PPP6R2: variants seen among roughly 807,000 people sequenced by gnomAD.
The protein encoded by PPP6R2 is protein phosphatase 6 regulatory subunit 2.
Under a neutral mutation model 100.2 loss-of-function variants are expected in PPP6R2, and 62 were observed. That is an observed-to-expected ratio of 0.62 (90% CI 0.50 to 0.76). PPP6R2 has a LOEUF of 0.76. PPP6R2 is among the 30% of genes least tolerant of loss of function. The pLI is 0.00. For missense variants in PPP6R2, 1,142 were observed against 1,276.3 expected, an observed-to-expected ratio of 0.89 and a Z score of 1.60; for synonymous variants, 525 against 514.7, an observed-to-expected ratio of 1.02 and a Z score of -0.27.
At chr22:50,402,144 G>C (rs9616822) in intron 3 of PPP6R2, among the ~76,000 whole-genome samples, 1 of 151,306 alleles carries the variant, frequency 6.6e-6, no homozygotes, top group Non-Finnish European at 1.5e-5. Context: ...TGGGGCCCTA[G>C]ATCCTGCACA....
At chr22:50,349,077 C>T (rs1429374658) in intron 1 of PPP6R2, among the ~76,000 whole-genome samples, 2 of 151,812 alleles carry the variant, frequency 1.3e-5, no homozygotes, top group African/African-American at 4.8e-5. Context: ...CGCCTGTAAT[C>T]CCAGCTACTC....
intron 1 of PPP6R2, among the ~76,000 whole-genome samples, chr22:50,355,260 CAG>C (rs980232069): frequency 2.1e-5 from 3 of 139,734 alleles, no homozygotes; most frequent in African/African-American, 5.5e-5. Flanking sequence ...TTTTTTGAGA[CAG>C]AGTCTCGCTC....
chr22:50,441,749 G>T (rs996610668), intron 22 of PPP6R2, among the ~76,000 whole-genome samples: 1 of 152,160 alleles, frequency 6.6e-6, no homozygotes, highest in Non-Finnish European at 1.5e-5. Context: ...CCTCCAGCAA[G>T]CTGAACCCCA....
intron 2 of PPP6R2, among the ~76,000 whole-genome samples, chr22:50,380,293 G>A (rs1174864375): frequency 6.6e-6 from 1 of 151,298 alleles, no homozygotes; most frequent in East Asian, 2.0e-4. Flanking sequence ...GGACGGTCTC[G>A]ATCTCCTGAC....
rs1269099071 is a variant in PPP6R2 at position 50,440,942 on chromosome 22, G to C, written c.2495G>C (p.Ser832Thr). Residue 832 changes from serine to threonine, a missense_variant, in exon 22 of 24, where the codon AGT becomes ACT. Ser to Thr is a moderately conservative substitution (Grantham distance 58). Transcript: ENST00000612753. ...HSEDGDQKAASAMDAVSRGPG... is the reference protein window; with the variant it reads ...HSEDGDQKAATAMDAVSRGPG... ...GAGGATGGCGACCAGAAGGCAGCGA[G>C]TGCCATGGATGCGGTGAGCAGGGGT... 6.2e-7 allele frequency: 1 copy of C among 1,613,470 alleles called. No individual in the cohort carries two copies. Among genetic ancestry groups the C allele is most frequent in the Middle Eastern group, 1.6e-4 (1 of 6,070 alleles).
At chr22:50,342,025 C>T (rs1381369322), upstream of PPP6R2, among the ~76,000 whole-genome samples, 1 of 151,748 alleles carries the variant, frequency 6.6e-6, no homozygotes, top group Non-Finnish European at 1.5e-5. Context: ...GGGGCTCCTG[C>T]TCACCCCAGT....
chr22:50,362,799 G>T (rs537263001), intron 1 of PPP6R2, among the ~76,000 whole-genome samples: 138 of 152,316 alleles, frequency 9.1e-4, no homozygotes, highest in African/African-American at 3.2e-3. Flanking sequence ...TGGTCTAAGG[G>T]CAGGGAAGAC....
At chr22:50,337,645 AGTG>A in the PPP6R2 span, among the ~76,000 whole-genome samples, 16 of 69,064 alleles carry the variant, frequency 2.3e-4, no homozygotes, top group East Asian at 7.0e-3. Context: ...GTGTGGGTAT[AGTG>A]TGTGTGTGGT....
intron 9 of PPP6R2, among the ~76,000 whole-genome samples, chr22:50,422,753 G>C (rs998271410): frequency 6.6e-5 from 10 of 152,072 alleles, no homozygotes; most frequent in Non-Finnish European, 2.9e-5. Context: ...GCACACAAAG[G>C]CTCCTCCTGG....
rs1358833159 is a variant in PPP6R2, at chr22:50,423,250, ACT to A, written c.973-207_973-206del. 1.3e-5 allele frequency among the ~76,000 whole-genome samples: 2 copies of A among 151,838 alleles called. No homozygotes were observed. Among genetic ancestry groups the A allele is most frequent in the Non-Finnish European group, 2.9e-5 (2 of 67,956 alleles). ...GAGTGCCCGTGAGCATCCTGGGAGC[ACT>A]CTCTGAAGCCCTGAGGGGAGCAGCA... is the stretch of plus-strand genomic sequence containing the variant. On this transcript the variant is annotated intron_variant, in intron 9 of 23. Coordinates refer to ENST00000612753, the MANE Select transcript of PPP6R2 (RefSeq NM_001242898.2). The surrounding 1 kb of genome is among the most constrained non-coding windows in gnomAD (Gnocchi z 4.8).
intron 2 of PPP6R2, among the ~76,000 whole-genome samples, chr22:50,382,792 G>A (rs1474033732): frequency 2.6e-5 from 4 of 151,378 alleles, no homozygotes; most frequent in African/African-American, 9.7e-5. Context: ...AAAAACCCGA[G>A]ATTGTCAGTG....
chr22:50,396,171 G>A (rs974532319), intron 3 of PPP6R2, among the ~76,000 whole-genome samples: 6 of 146,116 alleles, frequency 4.1e-5, no homozygotes, highest in Non-Finnish European at 1.5e-5. Context: ...ACTCCAGCCT[G>A]GGCAACAGAG....
intron 2 of PPP6R2, chr22:50,389,106 C>T (rs575045941): frequency 6.6e-6 from 1 of 152,290 alleles, no homozygotes; most frequent in Admixed American, 6.5e-5. Context: ...TTTCATTTAG[C>T]CTTGGGTAAG....
At chr22:50,430,822 C>T (rs1603384328) in intron 10 of PPP6R2, among the ~76,000 whole-genome samples, 6 of 144,164 alleles carry the variant, frequency 4.2e-5, no homozygotes, top group Middle Eastern at 7.5e-3. Context: ...TGCAGTGAGC[C>T]GAGATCGTGC....
intron 2 of PPP6R2, among the ~76,000 whole-genome samples, chr22:50,390,902 G>A (rs1354835521): frequency 6.6e-6 from 1 of 151,688 alleles, no homozygotes; most frequent in African/African-American, 2.4e-5. Context: ...AGGAGGGTGA[G>A]GCAGGAGAAT....
chr22:50,336,912 G>C, the PPP6R2 span, among the ~76,000 whole-genome samples: 1 of 152,076 alleles, frequency 6.6e-6, no homozygotes, highest in Admixed American at 6.6e-5. Flanking sequence ...TCGCTGTGTT[G>C]CCCAGGCTAG....
chr22:50,351,412 G>C (rs1467193209), intron 1 of PPP6R2, among the ~76,000 whole-genome samples: 2 of 149,280 alleles, frequency 1.3e-5, no homozygotes, highest in Non-Finnish European at 3.0e-5. Context: ...AAAGTCACCA[G>C]CTGCATTAGC....
intron 23 of PPP6R2, 31 bp from the exon 24 acceptor site, chr22:50,444,168 G>A (rs561546062): frequency 1.9e-5 from 31 of 1,612,058 alleles, no homozygotes; most frequent in East Asian, 6.7e-5. Flanking sequence ...CCCGCAGCCC[G>A]CACGGTTCCA....
intron 8 of PPP6R2, among the ~76,000 whole-genome samples, chr22:50,421,063 T>C (rs1361636734): frequency 6.6e-6 from 1 of 152,140 alleles, no homozygotes; most frequent in Non-Finnish European, 1.5e-5. Flanking sequence ...TTAACCTTGA[T>C]AGTGAGGTTG....
Sources: gnomAD v4.1 joint callset for allele counts (sites outside exome capture counted in the v4.1 genomes callset) on GRCh38, gnomAD v4.1.1 for gene constraint, Gnocchi (gnomAD v3.1) non-coding constraint, MANE v1.5 for transcripts, NCBI Gene and HGNC (gene_info 2026-07-23, HGNC 2026-07-21) for gene names.